ZNF664: variants seen among roughly 807,000 people sequenced by gnomAD.
The protein encoded by ZNF664 is zinc finger Organ of Corti 1.
Under a neutral mutation model 18.2 loss-of-function variants are expected in ZNF664, and 10 were observed. The observed-to-expected ratio is 0.55, with a 90% CI of 0.34 to 0.93. The LOEUF (loss-of-function observed/expected upper bound fraction) is 0.93, where lower values mean the gene tolerates loss of function less well. ZNF664 is among the 40% of genes least tolerant of loss of function. ZNF664 has a pLI of 0.02. For synonymous variants in ZNF664, 119 were observed against 104.2 expected, an observed-to-expected ratio of 1.14 and a Z score of -0.86; for missense variants, 193 against 319.0, an observed-to-expected ratio of 0.61 and a Z score of 3.01.
At chr12:123,991,825 CCTTCTCAGACTTT>C (rs1476257390) in intron 3 of ZNF664, among the ~76,000 whole-genome samples, 3 of 152,196 alleles carry the variant, frequency 2.0e-5, no homozygotes, top group Middle Eastern at 3.2e-3. Flanking sequence ...ATGCACTTAT[CCTTCTCAGACTTT>C]CTTCTCAGAC....
chr12:123,997,898 A>G (rs1956968600), intron 3 of ZNF664: 1 of 152,280 alleles, frequency 6.6e-6, no homozygotes, highest in African/African-American at 2.4e-5. Flanking sequence ...TTTGGGCTAC[A>G]CTGGGAGGGA....
intron 3 of ZNF664, among the ~76,000 whole-genome samples, chr12:123,994,379 TACTA>T (rs1183574029): frequency 1.3e-5 from 2 of 152,128 alleles, no homozygotes; most frequent in Non-Finnish European, 2.9e-5. Flanking sequence ...TGAAGATACT[TACTA>T]ACTCATTTAT....
At chr12:123,990,914 TC>T (rs1009726874) in intron 3 of ZNF664, among the ~76,000 whole-genome samples, 1 of 152,220 alleles carries the variant, frequency 6.6e-6, no homozygotes, top group South Asian at 2.1e-4. Flanking sequence ...TCATCGGTGT[TC>T]CTTGTTCCTG....
rs1243102703 is a variant in ZNF664 at position 123,975,663 on chromosome 12, A to C, written c.-757+1643A>C. Among the ~76,000 whole-genome samples the C allele has an allele frequency of 2.6e-4, 39 of 152,306 alleles. 1 individual carries two copies. Among genetic ancestry groups the C allele is most frequent in the Non-Finnish European group, 2.9e-5 (2 of 68,026 alleles). On this transcript the variant is annotated intron_variant, in intron 2 of 4. Transcript: ENST00000337815. ...CAACTGGTCTCAAACTCCTGGCCTAAAGCAGTCCTCCCAAAGTGTTGGGAT... is the reference window on the plus strand; with the variant it reads ...CAACTGGTCTCAAACTCCTGGCCTACAGCAGTCCTCCCAAAGTGTTGGGAT...
At chr12:123,975,399 GCTTT>G (rs1373597832) in intron 2 of ZNF664, among the ~76,000 whole-genome samples, 1 of 150,632 alleles carries the variant, frequency 6.6e-6, no homozygotes, top group Non-Finnish European at 1.5e-5. Context: ...TTTTCCTAGG[GCTTT>G]CTTTTCTTCC....
intron 2 of ZNF664, among the ~76,000 whole-genome samples, chr12:123,977,220 T>C (rs1169592202): frequency 6.6e-6 from 1 of 152,044 alleles, no homozygotes; most frequent in African/African-American, 2.4e-5. Flanking sequence ...TATCAGAGAG[T>C]CAAATTAAAA....
chr12:123,976,603 ATCT>A (rs1266862447), intron 2 of ZNF664, among the ~76,000 whole-genome samples: 1 of 152,006 alleles, frequency 6.6e-6, no homozygotes, highest in African/African-American at 2.4e-5. Flanking sequence ...TCAGATTTGT[ATCT>A]TTAAACAGCC....
chr12:123,977,974 C>T (rs1956715972), intron 2 of ZNF664, among the ~76,000 whole-genome samples: 1 of 152,116 alleles, frequency 6.6e-6, no homozygotes, highest in African/African-American at 2.4e-5. Flanking sequence ...TCAGATGTGT[C>T]TAAACTGGAA....
rs143297581 is a variant in ZNF664, at chr12:124,004,691, A to G, written c.-660-6690A>G. 2.4e-3 allele frequency among the ~76,000 whole-genome samples: 364 copies of G among 152,266 alleles called. 2 individuals carry two copies. In the Middle Eastern group the frequency reaches 0.041, roughly 17 times the overall value. On this transcript the variant is annotated intron_variant, in intron 3 of 4. Coordinates refer to ENST00000337815, the MANE Select transcript of ZNF664 (RefSeq NM_152437.3). ...GAAGAAAGCCAGTGAAGCTTCATCT[A>G]TTTATAGCTGCTCCCCATTGCTTGC...
At chr12:124,010,288 G>C (rs1361038300) in intron 3 of ZNF664, among the ~76,000 whole-genome samples, 1 of 152,082 alleles carries the variant, frequency 6.6e-6, no homozygotes, top group Admixed American at 6.5e-5. Context: ...ACCCATGCAT[G>C]TTCTCTTTGT....
At chr12:124,000,626 A>G (rs867590961) in intron 3 of ZNF664, among the ~76,000 whole-genome samples, 8 of 152,232 alleles carry the variant, frequency 5.3e-5, no homozygotes, top group Non-Finnish European at 7.3e-5. Context: ...AAGACAGCAC[A>G]TGACAACGAT....
At chr12:124,004,915 T>C in intron 3 of ZNF664, 2 of 176,078 alleles carry the variant, frequency 1.1e-5, no homozygotes, top group Non-Finnish European at 2.3e-5. Flanking sequence ...AGCTCAGGGC[T>C]CCCACTGATT....
Position 124,012,579 on chromosome 12 carries a change from T to C in ZNF664, c.435T>C (p.Cys145=), listed in dbSNP as rs1439974608. The C allele has an allele frequency of 1.9e-6, 3 of 1,613,898 alleles. No individual in the cohort carries two copies. Among genetic ancestry groups the C allele is most frequent in the Non-Finnish European group, 2.5e-6 (3 of 1,179,970 alleles). The part of the protein sequence containing the change: ...RVHTGEKPFK[C]EECGKAFRHT... ...ACACCGGAGAGAAGCCCTTTAAATGTGAAGAGTGTGGGAAGGCCTTCAGGC... is the reference window on the plus strand; with the variant it reads ...ACACCGGAGAGAAGCCCTTTAAATGCGAAGAGTGTGGGAAGGCCTTCAGGC... The change falls in exon 5 of 5, where the codon TGT becomes TGC. Residue 145 remains cysteine (C), a synonymous_variant. Coordinates refer to ENST00000337815, the MANE Select transcript of ZNF664 (RefSeq NM_152437.3).
intron 2 of ZNF664, among the ~76,000 whole-genome samples, chr12:123,982,923 GGCAGGCAGA>G (rs1368688271): frequency 1.3e-5 from 2 of 152,210 alleles, no homozygotes; most frequent in Non-Finnish European, 2.9e-5. Flanking sequence ...GAGGGGCCAA[GGCAGGCAGA>G]TGGCTTGAGG....
intron 2 of ZNF664, among the ~76,000 whole-genome samples, chr12:123,978,764 C>T (rs1956725403): frequency 6.6e-6 from 1 of 152,140 alleles, no homozygotes; most frequent in Non-Finnish European, 1.5e-5. Context: ...GAAGTCAAAG[C>T]ATACTGAAAT....
chr12:123,997,067 AGATT>A (rs766198382), intron 3 of ZNF664, among the ~76,000 whole-genome samples: 6 of 152,224 alleles, frequency 3.9e-5, no homozygotes, highest in African/African-American at 4.8e-5. Context: ...GGAAAAATAA[AGATT>A]TTCTATGAAA....
Position 124,012,977 on chromosome 12 carries a change from A to G in ZNF664, c.*47A>G, listed in dbSNP as rs767879535. 1 of 1,584,960 alleles carries G rather than the reference A, an allele frequency of 6.3e-7. No individual in the cohort carries two copies. The highest frequency in any genetic ancestry group is 8.6e-7 in the Non-Finnish European group (1 of 1,167,996). ...AATCTTAAAACCCATAAGTGCCACT[A>G]GGAAGGAAACCCTGTATATACCTAC... On this transcript the variant is annotated 3_prime_UTR_variant, in exon 5 of 5. Transcript: ENST00000337815.
At chr12:123,982,568 C>T (rs1369807502) in intron 2 of ZNF664, among the ~76,000 whole-genome samples, 3 of 152,226 alleles carry the variant, frequency 2.0e-5, no homozygotes, top group Non-Finnish European at 2.9e-5. Flanking sequence ...CTTTCCACTT[C>T]CCACTTCCCA....
Position 124,012,662 on chromosome 12 carries a change from G to C in ZNF664, c.518G>C (p.Cys173Ser). 2 of 1,614,170 alleles carry C rather than the reference G, an allele frequency of 1.2e-6. No homozygotes were observed. Among genetic ancestry groups the C allele is most frequent in the Non-Finnish European group, 1.7e-6 (2 of 1,180,022 alleles). ...CACACAGGAGAGAAACCCTATAAAT[G>C]TTATGAGTGTGGGAAGGCGTTCAGT... Reference protein sequence around the residue: ...RVHTGEKPYKCYECGKAFSQS... With the variant: ...RVHTGEKPYKSYECGKAFSQS... The change falls in exon 5 of 5, where the codon TGT (cysteine) becomes TCT (serine). Residue 173 changes from cysteine to serine, a missense_variant. Physicochemically the swap from Cys to Ser is moderately radical, Grantham distance 112. Coordinates refer to ENST00000337815, the MANE Select transcript of ZNF664 (RefSeq NM_152437.3).
Sources: gnomAD v4.1 joint callset for allele counts (sites outside exome capture counted in the v4.1 genomes callset) on GRCh38, gnomAD v4.1.1 for gene constraint, MANE v1.5 for transcripts, NCBI Gene and HGNC (gene_info 2026-07-23, HGNC 2026-07-21) for gene names.